The following CLEC16A variants were observed in gnomAD, a reference collection of about 807,000 sequenced individuals.
The protein encoded by CLEC16A is C-type lectin domain containing 16A.
In CLEC16A, 51 loss-of-function variants were observed where a neutral mutation model predicts 109.5. That is an observed-to-expected ratio of 0.47 (90% CI 0.37 to 0.59). CLEC16A has a LOEUF of 0.59. CLEC16A is among the 20% of genes least tolerant of loss of function. CLEC16A has a pLI of 0.00. For missense variants in CLEC16A, 1,339 were observed against 1,394.0 expected, an observed-to-expected ratio of 0.96 and a Z score of 0.63; for synonymous variants, 673 against 564.2, an observed-to-expected ratio of 1.19 and a Z score of -2.73.
chr16:11,138,694 C>G (rs2053682731), intron 22 of CLEC16A, among the ~76,000 whole-genome samples: 1 of 152,114 alleles, frequency 6.6e-6, no homozygotes, highest in Non-Finnish European at 1.5e-5. Context: ...TTGCTTGTTT[C>G]AAAAAACCTA....
chr16:11,069,604 A>AT (rs563430344), intron 19 of CLEC16A, among the ~76,000 whole-genome samples: 17 of 136,964 alleles, frequency 1.2e-4, no homozygotes, highest in East Asian at 2.2e-4. Flanking sequence ...TGTCCAGCTG[A>AT]TTTTTTTTTT....
intron 3 of CLEC16A, among the ~76,000 whole-genome samples, chr16:10,966,585 A>G (rs186688917): frequency 6.6e-6 from 1 of 152,326 alleles, no homozygotes; most frequent in African/African-American, 2.4e-5. Context: ...TTATAAGGGA[A>G]AGAGGTTTCA....
intron 23 of CLEC16A, among the ~76,000 whole-genome samples, chr16:11,171,548 C>G (rs1567417967): frequency 6.6e-6 from 1 of 152,358 alleles, no homozygotes; most frequent in East Asian, 1.9e-4. Context: ...TCCAGCAGAG[C>G]TATCCTGGCA....
intron 1 of CLEC16A, among the ~76,000 whole-genome samples, chr16:10,948,330 G>C (rs561114571): frequency 3.9e-5 from 6 of 152,188 alleles, no homozygotes; most frequent in Non-Finnish European, 8.8e-5. Context: ...TTTCCTGTTA[G>C]GGTTTTACTT....
At chr16:10,967,130 A>G (rs1322945710) in intron 3 of CLEC16A, among the ~76,000 whole-genome samples, 1 of 152,158 alleles carries the variant, frequency 6.6e-6, no homozygotes, top group African/African-American at 2.4e-5. Context: ...GCCTGCTCAG[A>G]GTGCACAGTG....
At chr16:11,094,673 GCCT>G (rs2050504168) in intron 19 of CLEC16A, among the ~76,000 whole-genome samples, 25 of 152,206 alleles carry the variant, frequency 1.6e-4, no homozygotes, top group Admixed American at 1.6e-3. Flanking sequence ...GGCCCTGCAT[GCCT>G]GCCTTGGCCC....
chr16:11,173,565 G>A (rs1281466771), intron 23 of CLEC16A, among the ~76,000 whole-genome samples: 2 of 152,136 alleles, frequency 1.3e-5, no homozygotes, highest in African/African-American at 4.8e-5. Context: ...GGAGAGGCTC[G>A]TGGAGCGCCT....
intron 11 of CLEC16A, among the ~76,000 whole-genome samples, chr16:11,018,196 A>G (rs944311013): frequency 1.3e-5 from 2 of 150,390 alleles, no homozygotes; most frequent in African/African-American, 4.9e-5. Context: ...GTTCCTAGCT[A>G]CTCGGGAGCC....
rs188376790 is a variant in CLEC16A at position 11,181,900 on chromosome 16, C to G, written c.*3210C>G. 6.5e-6 allele frequency: 1 copy of G among 152,768 alleles called. No homozygotes were observed. Among genetic ancestry groups the G allele is most frequent in the Non-Finnish European group, 1.5e-5 (1 of 68,032 alleles). The allele number at this position is 152,768 out of a possible 1,614,324, so 9.5% of individuals were successfully genotyped here. ...TGATTTTGATCTTCTTGTCTAGATG[C>G]AATAAATAAATCTGAAGCATTTAAT... On this transcript the variant is annotated 3_prime_UTR_variant, in exon 24 of 24. Coordinates refer to ENST00000409790, the MANE Select transcript of CLEC16A (RefSeq NM_015226.3).
At chr16:11,039,606 TA>T (rs955362875) in intron 13 of CLEC16A, 147 bp from the exon 14 acceptor site, 79 of 1,062,614 alleles carry the variant, frequency 7.4e-5, no homozygotes, top group East Asian at 2.5e-4. Flanking sequence ...TATTAAAAAC[TA>T]AAAAAAAGAA....
chr16:11,000,305 G>T (rs1452456249), intron 10 of CLEC16A, among the ~76,000 whole-genome samples: 4 of 152,194 alleles, frequency 2.6e-5, no homozygotes, highest in African/African-American at 9.7e-5. Flanking sequence ...CGTCAGTTCT[G>T]CCAGTTTGTT....
chr16:11,142,333 A>G (rs761074036), intron 22 of CLEC16A, among the ~76,000 whole-genome samples: 2 of 152,182 alleles, frequency 1.3e-5, no homozygotes, highest in African/African-American at 2.4e-5. Flanking sequence ...GGGCACTGTG[A>G]TCATACTTGC....
intron 19 of CLEC16A, among the ~76,000 whole-genome samples, chr16:11,105,103 T>C (rs2051139354): frequency 1.3e-5 from 2 of 152,216 alleles, no homozygotes; most frequent in Admixed American, 1.3e-4. Flanking sequence ...TATTTACTCA[T>C]GCTAAACAGG....
intron 19 of CLEC16A, among the ~76,000 whole-genome samples, chr16:11,075,777 G>A (rs2049336064): frequency 6.6e-6 from 1 of 152,034 alleles, no homozygotes; most frequent in African/African-American, 2.4e-5. Flanking sequence ...AGGTGCTTGG[G>A]AGGATGAGAT....
At chr16:11,012,309 T>A (rs144443193) in intron 11 of CLEC16A, among the ~76,000 whole-genome samples, 66 of 152,168 alleles carry the variant, frequency 4.3e-4, no homozygotes, top group Middle Eastern at 3.4e-3. Flanking sequence ...TAAGAAAGAT[T>A]TATGGGCCGG....
intron 19 of CLEC16A, among the ~76,000 whole-genome samples, chr16:11,086,810 T>A (rs554631360): frequency 7.2e-5 from 11 of 152,174 alleles, no homozygotes; most frequent in Non-Finnish European, 1.6e-4. Context: ...TATGCCCAGT[T>A]CCTGCCTTTC....
intron 22 of CLEC16A, among the ~76,000 whole-genome samples, chr16:11,139,507 G>A (rs1177210860): frequency 1.4e-4 from 22 of 152,170 alleles, no homozygotes; most frequent in Admixed American, 1.4e-3. Context: ...ATCCCAGTGT[G>A]ATAGGAATGG....
At chr16:10,949,826 T>C (rs865879231) in intron 1 of CLEC16A, among the ~76,000 whole-genome samples, 17 of 152,270 alleles carry the variant, frequency 1.1e-4, no homozygotes, top group Middle Eastern at 3.4e-3. Flanking sequence ...CCTGGTGAGT[T>C]ACGGTAGCAG....
At chr16:11,160,516 C>T (rs1323850910) in intron 22 of CLEC16A, among the ~76,000 whole-genome samples, 2 of 152,150 alleles carry the variant, frequency 1.3e-5, no homozygotes, top group Non-Finnish European at 2.9e-5. Flanking sequence ...TTGCCCCTTT[C>T]CCTCTTTCCC....
Sources: gnomAD v4.1 joint callset for allele counts (sites outside exome capture counted in the v4.1 genomes callset) on GRCh38, gnomAD v4.1.1 for gene constraint, MANE v1.5 for transcripts, NCBI Gene and HGNC (gene_info 2026-07-23, HGNC 2026-07-21) for gene names.